Variants in GALNTL6 observed in about 807,000 individuals in gnomAD.
GALNTL6 encodes the protein polypeptide N-acetylgalactosaminyltransferase like 6, also known as polypeptide N-acetylgalactosaminyltransferase-like 6.
GALNTL6 carries 46 observed loss-of-function variants against 73.7 expected under a neutral mutation model. The ratio of observed to expected loss-of-function variants is 0.62; its 90% CI spans 0.49 to 0.80. The LOEUF (loss-of-function observed/expected upper bound fraction) is 0.80, where lower values mean the gene tolerates loss of function less well. GALNTL6 is among the 30% of genes least tolerant of loss of function. GALNTL6 has a pLI of 0.00. For missense variants in GALNTL6, 604 were observed against 755.0 expected, an observed-to-expected ratio of 0.80 and a Z score of 2.34; for synonymous variants, 259 against 263.7, an observed-to-expected ratio of 0.98 and a Z score of 0.17.
intron 5 of GALNTL6, among the ~76,000 whole-genome samples, chr4:172,738,453 T>C (rs1269810429): frequency 1.3e-5 from 2 of 152,180 alleles, no homozygotes; most frequent in Non-Finnish European, 2.9e-5. Flanking sequence ...AGCTTGTCTC[T>C]ACACCACCAT....
chr4:172,288,390 C>T (rs951563129), intron 3 of GALNTL6, among the ~76,000 whole-genome samples: 2 of 151,914 alleles, frequency 1.3e-5, no homozygotes, highest in African/African-American at 4.8e-5. Flanking sequence ...AGCGCCTGGC[C>T]GAATTGATTT....
intron 2 of GALNTL6, among the ~76,000 whole-genome samples, chr4:171,895,844 T>C (rs1261510500): frequency 6.6e-6 from 1 of 151,670 alleles, no homozygotes; most frequent in Admixed American, 6.6e-5. Context: ...ATGGGAAATA[T>C]GAGCAAAGAA....
At chr4:172,109,183 T>C (rs181052421) in intron 2 of GALNTL6, among the ~76,000 whole-genome samples, 14 of 152,330 alleles carry the variant, frequency 9.2e-5, no homozygotes, top group Admixed American at 6.5e-4. Flanking sequence ...ATCAGAGATT[T>C]TGTCTCTTTT....
chr4:172,154,048 T>TG (rs1553997336), intron 2 of GALNTL6, among the ~76,000 whole-genome samples: 1 of 69,894 alleles, frequency 1.4e-5, no homozygotes, highest in Non-Finnish European at 4.2e-5. Context: ...GTTTTTCTTC[T>TG]TTTTTTTTTT....
At chr4:171,824,616 A>G (rs759155292) in intron 2 of GALNTL6, among the ~76,000 whole-genome samples, 31 of 152,156 alleles carry the variant, frequency 2.0e-4, no homozygotes, top group Non-Finnish European at 1.0e-4. Flanking sequence ...TCCTATTATT[A>G]CTTGTTAGAA....
chr4:172,463,442 G>T (rs1732687463), intron 5 of GALNTL6, among the ~76,000 whole-genome samples: 1 of 151,942 alleles, frequency 6.6e-6, no homozygotes. Flanking sequence ...TCGGTATGTA[G>T]CCAGAAAAAG....
At chr4:172,835,234 G>A (rs1742842924) in intron 7 of GALNTL6, among the ~76,000 whole-genome samples, 1 of 152,228 alleles carries the variant, frequency 6.6e-6, no homozygotes, top group Admixed American at 6.5e-5. Flanking sequence ...GAGTGAGAGG[G>A]AGGAGCATGT....
chr4:172,431,591 A>T (rs1326106409), intron 5 of GALNTL6, among the ~76,000 whole-genome samples: 2 of 152,184 alleles, frequency 1.3e-5, no homozygotes, highest in Non-Finnish European at 2.9e-5. Context: ...GAATTGGTTC[A>T]TAAGATTAAT....
intron 9 of GALNTL6, among the ~76,000 whole-genome samples, chr4:172,937,802 GA>G (rs1195704511): frequency 7.2e-5 from 11 of 152,142 alleles, no homozygotes; most frequent in African/African-American, 2.7e-4. Flanking sequence ...GCTCATTATG[GA>G]ATGAAATCTG....
At position 172,131,406 on chromosome 4, in the gene GALNTL6, A is replaced by AATATATAT. The variant is rs772791571; in HGVS notation, c.139-98234_139-98227dup. ...CTTCCATGTTTCACCATGCCTTTAA[A>AATATATAT]ATATATATATATATATATATATACA... On this transcript the variant is annotated intron_variant, in intron 2 of 12. Coordinates refer to ENST00000506823, the MANE Select transcript of GALNTL6 (RefSeq NM_001034845.3). Among the ~76,000 whole-genome samples the AATATATAT allele has an allele frequency of 3.1e-3, 430 of 137,546 alleles. 5 individuals carry two copies. The highest frequency in any genetic ancestry group is 0.011 in the African/African-American group (410 of 35,748). 90.2% of individuals were successfully genotyped at this position (137,546 alleles called of 152,430 possible). A position where few individuals can be genotyped will look rare whatever the true frequency, so the allele number is the denominator to read the frequency against.
At chr4:172,023,704 G>A (rs1190762378) in intron 2 of GALNTL6, among the ~76,000 whole-genome samples, 2 of 151,868 alleles carry the variant, frequency 1.3e-5, no homozygotes, top group African/African-American at 4.8e-5. Context: ...AAATGATGCT[G>A]AGTCTCACAT....
chr4:171,897,843 C>T (rs964989239), intron 2 of GALNTL6, among the ~76,000 whole-genome samples: 2 of 150,442 alleles, frequency 1.3e-5, no homozygotes, highest in African/African-American at 2.4e-5. Flanking sequence ...CAGAGAATTG[C>T]TTGAATTCAG....
chr4:172,574,825 A>G (rs1363690820), intron 5 of GALNTL6, among the ~76,000 whole-genome samples: 4 of 152,108 alleles, frequency 2.6e-5, no homozygotes, highest in African/African-American at 9.7e-5. Context: ...ATAAACTATG[A>G]TATTTCTGGT....
intron 5 of GALNTL6, among the ~76,000 whole-genome samples, chr4:172,552,837 TAAAAAAAA>T (rs397933315): frequency 6.2e-5 from 5 of 80,410 alleles, no homozygotes; most frequent in African/African-American, 2.9e-4. Flanking sequence ...GTAATTGCAG[TAAAAAAAA>T]AAAAAAAAAA....
intron 2 of GALNTL6, among the ~76,000 whole-genome samples, chr4:172,045,882 T>C (rs116946977): frequency 6.6e-6 from 1 of 152,180 alleles, no homozygotes; most frequent in East Asian, 1.9e-4. Context: ...GTAATCACTA[T>C]TGTACTCTCT....
At chr4:172,854,110 A>G (rs1201623377) in intron 7 of GALNTL6, among the ~76,000 whole-genome samples, 3 of 152,070 alleles carry the variant, frequency 2.0e-5, no homozygotes, top group Non-Finnish European at 4.4e-5. Flanking sequence ...TACCACATGC[A>G]TTCACTCCCA....
intron 2 of GALNTL6, among the ~76,000 whole-genome samples, chr4:171,822,887 T>C (rs1734722591): frequency 6.6e-6 from 1 of 152,196 alleles, no homozygotes; most frequent in South Asian, 2.1e-4. Flanking sequence ...AAAAAATATG[T>C]AAGTTATTGT....
chr4:172,646,421 G>A (rs1168833847), intron 5 of GALNTL6, among the ~76,000 whole-genome samples: 3 of 151,984 alleles, frequency 2.0e-5, no homozygotes, highest in Non-Finnish European at 4.4e-5. Flanking sequence ...CTTCACAACT[G>A]TTGTAGATTT....
intron 5 of GALNTL6, among the ~76,000 whole-genome samples, chr4:172,451,904 G>C (rs1476418456): frequency 6.6e-6 from 1 of 152,156 alleles, no homozygotes; most frequent in African/African-American, 2.4e-5. Flanking sequence ...CTAGCTGCTC[G>C]AGAGGCTGAG....
Sources: allele counts gnomAD v4.1 joint callset (sites outside exome capture counted in the v4.1 genomes callset), GRCh38; gene constraint gnomAD v4.1.1; transcripts MANE v1.5; gene names NCBI Gene and HGNC (gene_info 2026-07-23, HGNC 2026-07-21).